Variants in AGBL4 observed in about 807,000 individuals in gnomAD.
AGBL4 encodes the protein AGBL carboxypeptidase 4.
AGBL4 carries 58 observed loss-of-function variants against 66.4 expected under a neutral mutation model. The observed-to-expected ratio is 0.87, with a 90% confidence interval of 0.71 to 1.09. The LOEUF (loss-of-function observed/expected upper bound fraction) is 1.09, where lower values mean the gene tolerates loss of function less well. Among genes scored for constraint, AGBL4 ranks in the 50% least tolerant of loss-of-function variants. The probability of loss-of-function intolerance (pLI) is 0.00; values close to 1 mark genes in which losing one functional copy is unlikely to be tolerated. For missense variants in AGBL4, 579 were observed against 631.0 expected (o/e 0.92, Z 0.88); for synonymous variants, 234 against 222.9 (o/e 1.05, Z -0.44).
Position 50,006,684 on chromosome 1 carries a change from A to G in AGBL4, c.34+17079T>C, listed in dbSNP as rs556290353. 6.0e-5 allele frequency among the ~76,000 whole-genome samples: 9 copies of G among 150,732 alleles called. No homozygotes were observed. The South Asian group carries it at 1.9e-3, about 32-fold the overall frequency. On this transcript the variant is annotated intron_variant, in intron 1 of 13. Transcript: ENST00000371839. ...AAGTGTAGAAGGGAAAAAAAAAAAC[A>G]AAAGAACAAAAAAACTTTACCCTAG...
At chr1:48,886,814 G>A (rs973281539) in intron 5 of AGBL4, among the ~76,000 whole-genome samples, 2 of 152,174 alleles carry the variant, frequency 1.3e-5, no homozygotes, top group Non-Finnish European at 2.9e-5. Flanking sequence ...GCCTCCCAAA[G>A]TGCTGGCATT....
At chr1:49,739,448 C>T (rs1036061151) in intron 2 of AGBL4, among the ~76,000 whole-genome samples, 11 of 152,042 alleles carry the variant, frequency 7.2e-5, no homozygotes, top group Non-Finnish European at 1.0e-4. Context: ...CTGAAAGTGA[C>T]GGGGAGAATG....
At chr1:48,825,161 G>C (rs1162560728) in intron 6 of AGBL4, among the ~76,000 whole-genome samples, 1 of 152,148 alleles carries the variant, frequency 6.6e-6, no homozygotes, top group Non-Finnish European at 1.5e-5. Flanking sequence ...AATAATTTCA[G>C]CTTCGAACAC....
chr1:49,341,276 T>C (rs1557854191), intron 3 of AGBL4, among the ~76,000 whole-genome samples: 1 of 152,196 alleles, frequency 6.6e-6, no homozygotes, highest in Non-Finnish European at 1.5e-5. Flanking sequence ...AGGGACCATA[T>C]TGGAGAAACC....
intron 3 of AGBL4, among the ~76,000 whole-genome samples, chr1:49,432,393 A>C (rs966116034): frequency 9.2e-5 from 14 of 151,604 alleles, no homozygotes; most frequent in Admixed American, 8.6e-4. Context: ...AGGAATAAAA[A>C]CTCTCTTCCT....
chr1:49,319,102 A>C (rs1298442315), intron 3 of AGBL4, among the ~76,000 whole-genome samples: 3 of 152,218 alleles, frequency 2.0e-5, no homozygotes, highest in Non-Finnish European at 4.4e-5. Flanking sequence ...ATGTATGTAC[A>C]ATGCTGAACA....
intron 7 of AGBL4, among the ~76,000 whole-genome samples, chr1:48,661,714 G>T (rs1057424550): frequency 2.6e-5 from 4 of 152,206 alleles, no homozygotes; most frequent in Non-Finnish European, 5.9e-5. Context: ...TCTGTCTACT[G>T]CCCACAGGGG....
chr1:49,718,220 A>G (rs1206115613), intron 2 of AGBL4, among the ~76,000 whole-genome samples: 2 of 152,016 alleles, frequency 1.3e-5, no homozygotes, highest in Non-Finnish European at 1.5e-5. Context: ...GTGAGAAGTG[A>G]GTTCTCACAC....
intron 3 of AGBL4, among the ~76,000 whole-genome samples, chr1:49,565,673 G>A (rs886511356): frequency 4.6e-5 from 7 of 152,124 alleles, no homozygotes; most frequent in South Asian, 4.2e-4. Context: ...CGAGAGATCC[G>A]CTGTTAGTCT....
In AGBL4 at chr1:48,534,013, G is replaced by C; in HGVS notation, c.*160C>G. The stretch of plus-strand genomic sequence containing the variant: ...TACAATTGATTTTCCATTGGAAAAA[G>C]GGAAAATCAGTGATGAAGTTTCTCA... On this transcript the variant is annotated 3_prime_UTR_variant, in exon 14 of 14. Coordinates refer to ENST00000371839, the MANE Select transcript of AGBL4 (RefSeq NM_032785.4). 8.2e-7 allele frequency: 1 copy of C among 1,220,356 alleles called. No individual in the cohort carries two copies. Among genetic ancestry groups the C allele is most frequent in the East Asian group, 2.6e-5 (1 of 38,576 alleles). The allele number at this position is 1,220,356 out of a possible 1,614,324, so 75.6% of individuals were successfully genotyped here. A position where few individuals can be genotyped will look rare whatever the true frequency, so the allele number is the denominator to read the frequency against.
intron 3 of AGBL4, among the ~76,000 whole-genome samples, chr1:49,435,492 G>T (rs78418980): frequency 0.026 from 3,983 of 152,302 alleles, 71 homozygotes; most frequent in Non-Finnish European, 0.042. Flanking sequence ...CAGTGGTGAT[G>T]ATTAGGCTCC....
intron 1 of AGBL4, among the ~76,000 whole-genome samples, chr1:49,899,348 T>A (rs550795670): frequency 2.6e-4 from 40 of 152,228 alleles, no homozygotes; most frequent in Middle Eastern, 6.8e-3. Context: ...TCAATAATAA[T>A]TTAATTGTAC....
intron 11 of AGBL4, among the ~76,000 whole-genome samples, chr1:48,567,566 T>C (rs1374979253): frequency 1.3e-5 from 2 of 152,202 alleles, no homozygotes; most frequent in Non-Finnish European, 2.9e-5. Flanking sequence ...GAATTGAAAT[T>C]CATCCCATTG....
At chr1:49,374,690 C>T (rs910982542) in intron 3 of AGBL4, among the ~76,000 whole-genome samples, 4 of 152,160 alleles carry the variant, frequency 2.6e-5, no homozygotes, top group Non-Finnish European at 1.5e-5. Context: ...CTTAATATCC[C>T]CACCAGCCAC....
chr1:48,594,048 G>A (rs749971456), intron 9 of AGBL4, among the ~76,000 whole-genome samples: 9 of 152,094 alleles, frequency 5.9e-5, no homozygotes, highest in Middle Eastern at 3.2e-3. Context: ...ATTTGCAGCC[G>A]GGCATGGTGG....
intron 4 of AGBL4, among the ~76,000 whole-genome samples, chr1:49,216,807 T>C (rs1238405453): frequency 1.3e-5 from 2 of 152,154 alleles, no homozygotes; most frequent in African/African-American, 4.8e-5. Context: ...ATACTATCAA[T>C]GTCCATTTGA....
chr1:49,243,810 C>T (rs1216862457), intron 4 of AGBL4, among the ~76,000 whole-genome samples: 1 of 151,836 alleles, frequency 6.6e-6, no homozygotes, highest in African/African-American at 2.4e-5. Context: ...GGAGATATTA[C>T]GTATACAGTG....
At chr1:49,773,292 T>C (rs1268390839) in intron 2 of AGBL4, among the ~76,000 whole-genome samples, 2 of 152,350 alleles carry the variant, frequency 1.3e-5, no homozygotes, top group East Asian at 3.9e-4. Context: ...TTTATAAATA[T>C]CCTTTTCTTT....
chr1:49,465,556 C>T (rs1254124465), intron 3 of AGBL4, among the ~76,000 whole-genome samples: 1 of 151,786 alleles, frequency 6.6e-6, no homozygotes, highest in Admixed American at 6.6e-5. Context: ...ACAGAGATTG[C>T]TCCTTGAATT....
Sources: gnomAD v4.1 joint callset for allele counts (sites outside exome capture counted in the v4.1 genomes callset) on GRCh38, gnomAD v4.1.1 for gene constraint, MANE v1.5 for transcripts, NCBI Gene and HGNC (gene_info 2026-07-23, HGNC 2026-07-21) for gene names.